Variants in C8orf34 observed in about 807,000 individuals in gnomAD.
C8orf34 encodes the protein uncharacterized protein C8orf34.
A neutral mutation model predicts 68.3 loss-of-function variants in C8orf34; 65 were observed. The ratio of observed to expected loss-of-function variants is 0.95; its 90% CI spans 0.78 to 1.17. The LOEUF (loss-of-function observed/expected upper bound fraction) is 1.17, where lower values mean the gene tolerates loss of function less well. Ranked by LOEUF, C8orf34 falls within the 50% of genes most tolerant of loss-of-function variation. The pLI, the probability that C8orf34 is intolerant of heterozygous loss-of-function variation, is 0.00. For missense variants in C8orf34, 664 were observed against 655.4 expected (o/e 1.01, Z -0.14); for synonymous variants, 244 against 241.2 (o/e 1.01, Z -0.11).
intron 7 of C8orf34, among the ~76,000 whole-genome samples, chr8:68,539,292 G>A (rs1279161207): frequency 6.6e-6 from 1 of 152,072 alleles, no homozygotes; most frequent in South Asian, 2.1e-4. Context: ...TTTAAATTTT[G>A]TACTCTATTT....
chr8:68,548,068 A>G (rs1232681812), intron 7 of C8orf34, among the ~76,000 whole-genome samples: 1 of 151,838 alleles, frequency 6.6e-6, no homozygotes, highest in South Asian at 2.1e-4. Context: ...TAGCCCAAAC[A>G]TAAAAGCAGA....
chr8:68,355,558 G>T (rs1196290432), intron 1 of C8orf34, among the ~76,000 whole-genome samples: 2 of 152,112 alleles, frequency 1.3e-5, no homozygotes, highest in African/African-American at 4.8e-5. Context: ...TAATATTAAT[G>T]GCCCAGTGAC....
chr8:68,471,925 AAC>A (rs10596354), intron 4 of C8orf34, among the ~76,000 whole-genome samples: 41,679 of 147,118 alleles, frequency 0.28, 6,119 homozygotes, highest in Middle Eastern at 0.38. Context: ...GACTTAAATG[AAC>A]ACACACACAC....
At chr8:68,518,040 A>G (rs1404955391) in intron 5 of C8orf34, among the ~76,000 whole-genome samples, 1 of 152,214 alleles carries the variant, frequency 6.6e-6, no homozygotes, top group Non-Finnish European at 1.5e-5. Flanking sequence ...TACATCAAAT[A>G]TATAGAAATG....
chr8:68,477,487 G>T (rs1421662234), intron 4 of C8orf34, among the ~76,000 whole-genome samples: 1 of 152,198 alleles, frequency 6.6e-6, no homozygotes, highest in Admixed American at 6.5e-5. Flanking sequence ...AGTTCCCACT[G>T]GAGCACTGCC....
intron 7 of C8orf34, among the ~76,000 whole-genome samples, chr8:68,573,681 A>G (rs1421027753): frequency 2.6e-5 from 4 of 152,200 alleles, no homozygotes; most frequent in Non-Finnish European, 5.9e-5. Context: ...GGTATTGCAT[A>G]ACCACATTTT....
intron 1 of C8orf34, among the ~76,000 whole-genome samples, chr8:68,434,374 T>C (rs1586133514): frequency 6.6e-6 from 1 of 152,166 alleles, no homozygotes; most frequent in East Asian, 1.9e-4. Flanking sequence ...ATTGTTCAAC[T>C]CCCACTTATG....
intron 8 of C8orf34, among the ~76,000 whole-genome samples, chr8:68,662,854 T>C (rs1248907147): frequency 6.6e-6 from 1 of 152,194 alleles, no homozygotes; most frequent in Non-Finnish European, 1.5e-5. Flanking sequence ...AAAGCACTCA[T>C]CATGTCAAAG....
chr8:68,474,495 A>T (rs1812517510), intron 4 of C8orf34, among the ~76,000 whole-genome samples: 1 of 152,086 alleles, frequency 6.6e-6, no homozygotes, highest in Non-Finnish European at 1.5e-5. Context: ...TGGTTTATCC[A>T]TTTAAGATAT....
intron 7 of C8orf34, among the ~76,000 whole-genome samples, chr8:68,597,927 A>T (rs980013586): frequency 2.6e-5 from 4 of 152,134 alleles, no homozygotes; most frequent in African/African-American, 9.6e-5. Flanking sequence ...AACTAGCTAG[A>T]TTTAAAGTAC....
chr8:68,706,418 T>G (rs901076714), intron 8 of C8orf34, among the ~76,000 whole-genome samples: 2 of 151,628 alleles, frequency 1.3e-5, no homozygotes, highest in Admixed American at 1.3e-4. Flanking sequence ...TGAAAGAGGC[T>G]GAAGGAGGTG....
At chr8:68,712,404 G>A (rs1821351265) in intron 9 of C8orf34, among the ~76,000 whole-genome samples, 1 of 152,032 alleles carries the variant, frequency 6.6e-6, no homozygotes, top group South Asian at 2.1e-4. Flanking sequence ...TGGCAAAATG[G>A]ATAAGAATTC....
At chr8:68,446,937 T>C (rs1039314264) in intron 3 of C8orf34, 1 of 155,264 alleles carries the variant, frequency 6.4e-6, no homozygotes, top group Non-Finnish European at 1.4e-5. Flanking sequence ...GTCCCTATAT[T>C]CTCTTCACTA....
chr8:68,505,093 C>T (rs1224308249), intron 5 of C8orf34, among the ~76,000 whole-genome samples: 1 of 152,120 alleles, frequency 6.6e-6, no homozygotes, highest in Admixed American at 6.5e-5. Flanking sequence ...TGGTGAGCCA[C>T]CATGCCTAGC....
intron 10 of C8orf34, among the ~76,000 whole-genome samples, chr8:68,756,637 TTTTAATTTCCAATTTA>T (rs1373769547): frequency 7.9e-5 from 12 of 152,198 alleles, no homozygotes; most frequent in African/African-American, 2.4e-4. Context: ...TAGTTTTGCT[TTTTAATTTCCAATTTA>T]TTTAATTTCC....
At chr8:68,425,729 G>GA (rs35937675) in intron 1 of C8orf34, among the ~76,000 whole-genome samples, 46,410 of 139,516 alleles carry the variant, frequency 0.33, 8,323 homozygotes, top group South Asian at 0.44. Context: ...GTTTTGGAAG[G>GA]AAAAAAAAAA....
intron 8 of C8orf34, among the ~76,000 whole-genome samples, chr8:68,662,122 T>C (rs1819698378): frequency 6.6e-6 from 1 of 152,134 alleles, no homozygotes; most frequent in African/African-American, 2.4e-5. Flanking sequence ...CTTGGGGCTT[T>C]GGCGGGAAAG....
In C8orf34 at chr8:68,522,397, A is replaced by G. The variant is rs148049326; in HGVS notation, c.938+426A>G. ...TAATAGACCATAGGAGGCAAAGTTA[A>G]TATTGACCATAAAGAAAGAGAAGCC... is the stretch of plus-strand genomic sequence containing the variant. On this transcript the variant is annotated intron_variant, in intron 6 of 13. Transcript: ENST00000518698. Among the ~76,000 whole-genome samples the G allele has an allele frequency of 1.1e-4, 17 of 152,330 alleles. No individual in the cohort carries two copies. The East Asian group carries it at 3.3e-3, about 29-fold the overall frequency.
intron 8 of C8orf34, among the ~76,000 whole-genome samples, chr8:68,665,602 A>G (rs1563595586): frequency 6.6e-6 from 1 of 152,166 alleles, no homozygotes. Flanking sequence ...AGCAATCACA[A>G]TGACCTTCAA....
Sources: allele counts gnomAD v4.1 joint callset (sites outside exome capture counted in the v4.1 genomes callset), GRCh38; gene constraint gnomAD v4.1.1; transcripts MANE v1.5; gene names NCBI Gene and HGNC (gene_info 2026-07-23, HGNC 2026-07-21).